GREB1L: variants seen among roughly 807,000 people sequenced by gnomAD.
The protein encoded by GREB1L is GREB1-like protein.
In GREB1L, 17 loss-of-function variants were observed where a neutral mutation model predicts 200.8. That is an observed-to-expected ratio of 0.08 (90% CI 0.06 to 0.13). The LOEUF is 0.13. GREB1L is among the 10% of genes least tolerant of loss of function. The probability of loss-of-function intolerance (pLI) is 1.00; values close to 1 mark genes in which losing one functional copy is unlikely to be tolerated. For synonymous variants in GREB1L, 789 were observed against 893.0 expected (o/e 0.88, Z 2.08); for missense variants, 1,657 against 2,367.7 (o/e 0.70, Z 6.23).
chr18:21,516,433 A>G (rs1027235293), intron 29 of GREB1L, among the ~76,000 whole-genome samples, 180 bp from the exon 30 acceptor site: 2 of 152,200 alleles, frequency 1.3e-5, no homozygotes, highest in Non-Finnish European at 2.9e-5. Context: ...CCCTTCCTTG[A>G]AAGGCTGTAA....
At chr18:21,409,819 C>T (rs73960424) in intron 7 of GREB1L, among the ~76,000 whole-genome samples, 1,528 of 152,180 alleles carry the variant, frequency 0.01, 28 homozygotes, top group African/African-American at 0.034. Context: ...AAATTAACAA[C>T]GCCTGTTTTG....
chr18:21,481,461 G>GTATATATATA, intron 17 of GREB1L, among the ~76,000 whole-genome samples: 4 of 143,004 alleles, frequency 2.8e-5, no homozygotes, highest in African/African-American at 1.0e-4. Flanking sequence ...GTGTGTGTGT[G>GTATATATATA]TGTGTGTGTG....
At chr18:21,501,665 A>G (rs137864460) in intron 23 of GREB1L, among the ~76,000 whole-genome samples, 120 of 152,342 alleles carry the variant, frequency 7.9e-4, no homozygotes, top group African/African-American at 2.8e-3. Flanking sequence ...GTAGTATTCA[A>G]CTGCTTCAGG....
chr18:21,507,440 G>T (rs900082775), intron 25 of GREB1L, among the ~76,000 whole-genome samples: 2 of 152,124 alleles, frequency 1.3e-5, no homozygotes, highest in African/African-American at 4.8e-5. Flanking sequence ...AAAATTGATG[G>T]TATCCTTTTA....
At chr18:21,312,160 CT>C (rs2038801856) in intron 1 of GREB1L, among the ~76,000 whole-genome samples, 1 of 152,170 alleles carries the variant, frequency 6.6e-6, no homozygotes, top group Non-Finnish European at 1.5e-5. Context: ...TGATCTCATG[CT>C]TTTTCATGGC....
At chr18:21,449,154 A>G (rs947271874) in intron 11 of GREB1L, among the ~76,000 whole-genome samples, 4 of 152,228 alleles carry the variant, frequency 2.6e-5, no homozygotes, top group African/African-American at 9.6e-5. Context: ...GTCATTAACA[A>G]TTTCTATAAT....
At chr18:21,287,793 CTTTT>C (rs534899512) in intron 1 of GREB1L, among the ~76,000 whole-genome samples, 2 of 133,310 alleles carry the variant, frequency 1.5e-5, no homozygotes, top group African/African-American at 2.8e-5. Context: ...AGTTTAAAAT[CTTTT>C]TTTTTTTTTT....
intron 1 of GREB1L, among the ~76,000 whole-genome samples, chr18:21,315,259 T>C (rs1322188093): frequency 6.6e-6 from 1 of 152,100 alleles, no homozygotes; most frequent in Non-Finnish European, 1.5e-5. Context: ...GCAGCTAATT[T>C]TTAAATTATT....
chr18:21,473,693 T>A (rs529816189), intron 16 of GREB1L, among the ~76,000 whole-genome samples: 1 of 152,158 alleles, frequency 6.6e-6, no homozygotes, highest in Non-Finnish European at 1.5e-5. Context: ...CTTCCTCGAC[T>A]TCTCTCATCG....
intron 1 of GREB1L, among the ~76,000 whole-genome samples, chr18:21,332,308 A>G (rs1301392975): frequency 2.0e-5 from 3 of 152,240 alleles, no homozygotes; most frequent in East Asian, 3.9e-4. Context: ...GTCACTTTTT[A>G]TACAAATGGA....
chr18:21,351,255 A>G (rs2039428732), intron 1 of GREB1L, among the ~76,000 whole-genome samples: 2 of 152,100 alleles, frequency 1.3e-5, no homozygotes, highest in African/African-American at 2.4e-5. Flanking sequence ...AACATTTTGA[A>G]AACTGGTTAA....
chr18:21,477,709 C>G (rs1286703658), intron 17 of GREB1L, among the ~76,000 whole-genome samples: 2 of 151,832 alleles, frequency 1.3e-5, no homozygotes, highest in Non-Finnish European at 2.9e-5. Context: ...TCACTTAAAC[C>G]CGGGAGGCGG....
chr18:21,293,671 A>G (rs1489812871), intron 1 of GREB1L, among the ~76,000 whole-genome samples: 1 of 152,192 alleles, frequency 6.6e-6, no homozygotes, highest in Admixed American at 6.5e-5. Flanking sequence ...CTGTTTGCCA[A>G]TATAGTCACT....
intron 1 of GREB1L, among the ~76,000 whole-genome samples, chr18:21,341,821 G>A (rs2039274087): frequency 6.6e-6 from 1 of 152,192 alleles, no homozygotes; most frequent in Non-Finnish European, 1.5e-5. Flanking sequence ...TGACAGCAGT[G>A]TATTAGGTGT....
chr18:21,365,913 C>G (rs1472395290), intron 1 of GREB1L, 114 bp from the exon 2 acceptor site: 1 of 151,876 alleles, frequency 6.6e-6, no homozygotes, highest in East Asian at 1.9e-4. Flanking sequence ...TTGATAATTT[C>G]TAACTGTGAT....
chr18:21,403,257 G>A lies in GREB1L; in HGVS notation c.710-615G>A, dbSNP rs2041392710. ...CAAAGCACTATTAAAATATACCAGA[G>A]GCCCATTAATACTGGCTTACTTAAA... On this transcript the variant is annotated intron_variant, in intron 6 of 32. Coordinates refer to ENST00000424526, the MANE Select transcript of GREB1L (RefSeq NM_001142966.3). 2.0e-5 allele frequency among the ~76,000 whole-genome samples: 3 copies of A among 152,112 alleles called. No homozygotes were observed. In the South Asian group the frequency reaches 6.2e-4, roughly 31 times the overall value.
At chr18:21,418,649 A>G (rs184543861) in intron 7 of GREB1L, among the ~76,000 whole-genome samples, 56 of 152,068 alleles carry the variant, frequency 3.7e-4, no homozygotes, top group Non-Finnish European at 6.8e-4. Context: ...TCAGCCTCCA[A>G]GTAGCTGGGA....
At chr18:21,309,172 A>G (rs1410414576) in intron 1 of GREB1L, among the ~76,000 whole-genome samples, 1 of 152,196 alleles carries the variant, frequency 6.6e-6, no homozygotes, top group African/African-American at 2.4e-5. Flanking sequence ...AAGTTTCTTC[A>G]CTATAGGGCA....
At chr18:21,484,581 C>T (rs2036053532) in intron 17 of GREB1L, among the ~76,000 whole-genome samples, 1 of 152,150 alleles carries the variant, frequency 6.6e-6, no homozygotes, top group Admixed American at 6.6e-5. Context: ...CTTTGGGAGG[C>T]CAAGGCGGGC....
Sources: gnomAD v4.1 joint callset for allele counts (sites outside exome capture counted in the v4.1 genomes callset) on GRCh38, gnomAD v4.1.1 for gene constraint, MANE v1.5 for transcripts, NCBI Gene and HGNC (gene_info 2026-07-23, HGNC 2026-07-21) for gene names.